Variants in FAT3 observed in about 807,000 individuals in gnomAD.
The protein encoded by FAT3 is protocadherin Fat 3.
In FAT3, 95 loss-of-function variants were observed where a neutral mutation model predicts 310.2. The observed-to-expected ratio is 0.31, with a 90% CI of 0.26 to 0.36. The LOEUF (loss-of-function observed/expected upper bound fraction) is 0.36. Among genes scored for constraint, FAT3 ranks in the 10% least tolerant of loss-of-function variants. The probability of loss-of-function intolerance (pLI) is 1.00; values close to 1 mark genes in which losing one functional copy is unlikely to be tolerated. For synonymous variants in FAT3, 2,314 were observed against 2,192.9 expected (o/e 1.06, Z -1.54); for missense variants, 5,408 against 5,715.6 (o/e 0.95, Z 1.74).
intron 3 of FAT3, among the ~76,000 whole-genome samples, chr11:92,542,117 G>C (rs1263344021): frequency 6.6e-6 from 1 of 152,002 alleles, no homozygotes; most frequent in African/African-American, 2.4e-5. Context: ...CATGGCACTT[G>C]GAAAACTGAA....
rs1565206312 is a variant in FAT3, at chr11:92,293,067, AGG to A, written c.-17-59028_-17-59027del. Among the ~76,000 whole-genome samples the A allele has an allele frequency of 1.0e-4, 15 of 144,480 alleles. No individual in the cohort carries two copies. The East Asian group carries it at 1.6e-3, about 15-fold the overall frequency. 94.8% of individuals were successfully genotyped at this position (144,480 alleles called of 152,430 possible). ...AAGGAAGGAAGGAAGGAAGGAAGGA[AGG>A]AAGGAAGGAAAGAAGGAAGGAAGGA... On this transcript the variant is annotated intron_variant, in intron 1 of 27. Transcript: ENST00000525166.
At position 92,798,438 on chromosome 11, in the gene FAT3, G is replaced by T; in HGVS notation, c.5425G>T (p.Ala1809Ser). ...CACAGATGCTGACAGCAACCGGAATGCTCTGCTTGTGTATCAGATTGTGGA... is the reference window on the plus strand; with the variant it reads ...CACAGATGCTGACAGCAACCGGAATTCTCTGCTTGTGTATCAGATTGTGGA... ...RATDADSNRN[A>S]LLVYQIVEST... The change falls in exon 10 of 28, where the codon GCT (alanine) becomes TCT (serine). Residue 1809 changes from alanine (A) to serine (S), a missense_variant. Physicochemically the swap from Ala to Ser is moderately conservative, Grantham distance 99 (BLOSUM62 1). Coordinates refer to ENST00000525166, the MANE Select transcript of FAT3 (RefSeq NM_001367949.2). 6.2e-7 allele frequency: 1 copy of T among 1,613,358 alleles called. No individual in the cohort carries two copies. Among genetic ancestry groups the T allele is most frequent in the Non-Finnish European group, 8.5e-7 (1 of 1,179,796 alleles).
intron 22 of FAT3, among the ~76,000 whole-genome samples, chr11:92,874,036 A>G (rs1949461005): frequency 6.6e-6 from 1 of 152,262 alleles, no homozygotes; most frequent in South Asian, 2.1e-4. Flanking sequence ...TAAATGAGAC[A>G]GAATGCACAG....
chr11:92,499,221 A>C (rs1406055444), intron 2 of FAT3, among the ~76,000 whole-genome samples: 1 of 152,010 alleles, frequency 6.6e-6, no homozygotes, highest in Non-Finnish European at 1.5e-5. Flanking sequence ...CGTACACAAA[A>C]TTTGTTTTGG....
intron 3 of FAT3, among the ~76,000 whole-genome samples, chr11:92,600,602 T>C (rs1187991136): frequency 6.6e-6 from 1 of 152,212 alleles, no homozygotes; most frequent in East Asian, 1.9e-4. Context: ...ATTGAGTGTC[T>C]ACTATTTGCC....
chr11:92,793,064 A>G, intron 9 of FAT3, 87 bp downstream of exon 9: 1 of 1,368,958 alleles, frequency 7.3e-7, no homozygotes, highest in Admixed American at 2.1e-5. Flanking sequence ...AATTCAGATC[A>G]TTAACAGTGG....
intron 3 of FAT3, among the ~76,000 whole-genome samples, chr11:92,585,621 A>G (rs1488087354): frequency 6.6e-6 from 1 of 152,066 alleles, no homozygotes; most frequent in East Asian, 1.9e-4. Flanking sequence ...TAAGATGGAT[A>G]CATGATTGTT....
At chr11:92,451,556 CCTT>C (rs1256443348) in intron 2 of FAT3, among the ~76,000 whole-genome samples, 2 of 152,182 alleles carry the variant, frequency 1.3e-5, no homozygotes, top group African/African-American at 4.8e-5. Context: ...AAGACACAAA[CCTT>C]CTTGAATGAA....
intron 1 of FAT3, among the ~76,000 whole-genome samples, chr11:92,247,729 T>G (rs1365406470): frequency 1.1e-5 from 1 of 91,618 alleles, no homozygotes; most frequent in Non-Finnish European, 2.4e-5. Context: ...TCACCTGTTT[T>G]TTTTTTTTTT....
At chr11:92,557,231 A>G (rs1591445789) in intron 3 of FAT3, among the ~76,000 whole-genome samples, 3 of 151,926 alleles carry the variant, frequency 2.0e-5, no homozygotes. Flanking sequence ...TGGCCTTACC[A>G]TTATGCTGCT....
intron 1 of FAT3, among the ~76,000 whole-genome samples, chr11:92,227,338 T>G (rs1863964314): frequency 6.6e-6 from 1 of 152,130 alleles, no homozygotes; most frequent in African/African-American, 2.4e-5. Flanking sequence ...TGCTCCTGGC[T>G]TTGTTGCTAG....
intron 1 of FAT3, among the ~76,000 whole-genome samples, chr11:92,346,049 G>T (rs1948410001): frequency 6.6e-6 from 1 of 152,228 alleles, no homozygotes; most frequent in South Asian, 2.1e-4. Flanking sequence ...GTATTTTAAA[G>T]AAATAACCCA....
intron 2 of FAT3, among the ~76,000 whole-genome samples, chr11:92,475,055 C>A (rs1027390145): frequency 3.3e-5 from 5 of 152,186 alleles, no homozygotes; most frequent in African/African-American, 1.2e-4. Context: ...CACCTTGACA[C>A]AATGGCGGTT....
chr11:92,392,612 C>T (rs1048392271), intron 2 of FAT3, among the ~76,000 whole-genome samples: 2 of 152,158 alleles, frequency 1.3e-5, no homozygotes, highest in African/African-American at 4.8e-5. Flanking sequence ...TAGCACATTG[C>T]ACACTGCACT....
rs765049732 is a variant in FAT3 at position 92,761,816 on chromosome 11, A to G, written c.3670-40A>G. On this transcript the variant is annotated intron_variant, in intron 4 of 27. Coordinates refer to ENST00000525166, the MANE Select transcript of FAT3 (RefSeq NM_001367949.2). ...TAGGTTAACATGTAATAGCAAGAAT[A>G]ATTTTCTCCTTTCTGATCACATCAT... 3.2e-6 allele frequency: 5 copies of G among 1,569,518 alleles called. No individual in the cohort carries two copies. The African/African-American group carries it at 5.5e-5, about 17-fold the overall frequency.
At chr11:92,594,498 A>C (rs1176242914) in intron 3 of FAT3, among the ~76,000 whole-genome samples, 1 of 152,196 alleles carries the variant, frequency 6.6e-6, no homozygotes, top group Non-Finnish European at 1.5e-5. Flanking sequence ...CAGTCTTCTG[A>C]ACCATGAAAC....
chr11:92,379,007 A>T (rs544887440), intron 2 of FAT3, among the ~76,000 whole-genome samples: 46 of 152,250 alleles, frequency 3.0e-4, no homozygotes, highest in Non-Finnish European at 5.7e-4. Context: ...CAACATAGGA[A>T]ATTTGGGTGC....
intron 12 of FAT3, 62 bp downstream of exon 12, chr11:92,806,577 A>AC (rs1947513131): frequency 1.4e-6 from 2 of 1,399,470 alleles, no homozygotes; most frequent in East Asian, 5.0e-5. Context: ...AGTTAAACTT[A>AC]TGTGGTCTCA....
At chr11:92,554,769 C>G (rs1039659858) in intron 3 of FAT3, among the ~76,000 whole-genome samples, 1 of 152,148 alleles carries the variant, frequency 6.6e-6, no homozygotes, top group Non-Finnish European at 1.5e-5. Context: ...TTATGAAGAA[C>G]CGTGTGCTAT....
Sources: allele counts gnomAD v4.1 joint callset (sites outside exome capture counted in the v4.1 genomes callset), GRCh38; gene constraint gnomAD v4.1.1; transcripts MANE v1.5; gene names NCBI Gene and HGNC (gene_info 2026-07-23, HGNC 2026-07-21).